Variants in OAF observed in about 807,000 individuals in gnomAD.
The protein encoded by OAF is out at first homolog.
A neutral mutation model predicts 22.5 loss-of-function variants in OAF; 13 were observed. The ratio of observed to expected loss-of-function variants is 0.58; its 90% CI spans 0.38 to 0.92. The LOEUF (loss-of-function observed/expected upper bound fraction) is 0.92, where lower values mean the gene tolerates loss of function less well. Among genes scored for constraint, OAF ranks in the 40% least tolerant of loss-of-function variants. The pLI is 0.00. For synonymous variants in OAF, 175 were observed against 170.5 expected, an observed-to-expected ratio of 1.03 and a Z score of -0.21; for missense variants, 347 against 381.8, an observed-to-expected ratio of 0.91 and a Z score of 0.76.
In OAF at chr11:120,211,037, A is replaced by C. The variant is rs1332854206; in HGVS notation, c.-243A>C. 1 of 167,880 alleles carries C rather than the reference A, an allele frequency of 6.0e-6. No homozygotes were observed. Among genetic ancestry groups the C allele is most frequent in the Non-Finnish European group, 1.3e-5 (1 of 79,180 alleles). 10.4% of individuals were successfully genotyped at this position (167,880 alleles called of 1,614,324 possible). A position where few individuals can be genotyped will look rare whatever the true frequency, so the allele number is the denominator to read the frequency against. ...GCAAAACACAGGCTCGCAGCGCTGG[A>C]GCCCGGGGCCGCGGAGCCGGGCCGG... On this transcript the variant is annotated 5_prime_UTR_variant, in exon 1 of 4. Coordinates refer to ENST00000328965, the MANE Select transcript of OAF (RefSeq NM_178507.4).
At chr11:120,212,222 G>A (rs1394423573) in intron 1 of OAF, among the ~76,000 whole-genome samples, 1 of 126,918 alleles carries the variant, frequency 7.9e-6, no homozygotes, top group African/African-American at 3.0e-5. Flanking sequence ...CCAGATTAGG[G>A]TTAGGGAGTT....
chr11:120,225,027 G>A (rs909723997), intron 1 of OAF, among the ~76,000 whole-genome samples: 1 of 152,112 alleles, frequency 6.6e-6, no homozygotes, highest in Non-Finnish European at 1.5e-5. Context: ...GCGACCCCAT[G>A]GGGGAAAGGG....
At chr11:120,222,356 G>A (rs1055797342) in intron 1 of OAF, among the ~76,000 whole-genome samples, 6 of 151,976 alleles carry the variant, frequency 3.9e-5, no homozygotes, top group South Asian at 4.2e-4. Context: ...TCAGGAGTTC[G>A]ATACCAGCCT....
At chr11:120,228,775 G>A (rs1938394119) in intron 3 of OAF, 93 bp from the exon 4 acceptor site, 1 of 985,482 alleles carries the variant, frequency 1.0e-6, no homozygotes, top group Admixed American at 2.2e-5. Context: ...GATGACAGAG[G>A]AGACCAAGTG....
chr11:120,225,906 C>A, intron 2 of OAF, 111 bp downstream of exon 2: 1 of 896,144 alleles, frequency 1.1e-6, no homozygotes, highest in Non-Finnish European at 1.7e-6. Flanking sequence ...CCGACCCCTG[C>A]AGCCAGCCTA....
At chr11:120,221,387 C>T (rs1398217506) in intron 1 of OAF, among the ~76,000 whole-genome samples, 2 of 152,198 alleles carry the variant, frequency 1.3e-5, no homozygotes, top group Non-Finnish European at 2.9e-5. Context: ...AATCTCAACT[C>T]CTGGGTCTTC....
chr11:120,216,239 A>C (rs1359657749), intron 1 of OAF, among the ~76,000 whole-genome samples: 1 of 152,138 alleles, frequency 6.6e-6, no homozygotes, highest in Non-Finnish European at 1.5e-5. Flanking sequence ...GTCAGTAAAG[A>C]TGTGGAATGT....
chr11:120,214,686 C>G (rs960715883), intron 1 of OAF, among the ~76,000 whole-genome samples: 3 of 152,194 alleles, frequency 2.0e-5, no homozygotes, highest in African/African-American at 7.2e-5. Context: ...TGCCTCTACC[C>G]GCGTCAGAGT....
intron 3 of OAF, 47 bp from the exon 4 acceptor site, chr11:120,228,821 T>TACCAACCAAAA: frequency 1.9e-6 from 1 of 520,280 alleles, no homozygotes; most frequent in Non-Finnish European, 3.6e-6. Context: ...GGGAGCTCCT[T>TACCAACCAAAA]CCCTCCCTCC....
Position 120,229,362 on chromosome 11 carries a change from TGC to T in OAF, c.*222_*223del. ...CCCCATTCCCACCCTGTGCCTTCCTTGCGGGCAGAGAGGGAGAGAAGGGCTCC... is the reference window on the plus strand; with the variant it reads ...CCCCATTCCCACCCTGTGCCTTCCTTGGGCAGAGAGGGAGAGAAGGGCTCC... On this transcript the variant is annotated 3_prime_UTR_variant, in exon 4 of 4. Coordinates refer to ENST00000328965, the MANE Select transcript of OAF (RefSeq NM_178507.4). 1.8e-6 allele frequency: 1 copy of T among 544,214 alleles called. No individual in the cohort carries two copies. Among genetic ancestry groups the T allele is most frequent in the South Asian group, 2.1e-5 (1 of 47,910 alleles). 33.7% of individuals were successfully genotyped at this position (544,214 alleles called of 1,614,324 possible).
At chr11:120,212,498 C>T (rs1938162689) in intron 1 of OAF, among the ~76,000 whole-genome samples, 1 of 151,904 alleles carries the variant, frequency 6.6e-6, no homozygotes, top group South Asian at 2.1e-4. Context: ...AGCGTTCTGT[C>T]TCCTTCCCCC....
At chr11:120,225,566 C>T (rs1938344260) in intron 1 of OAF, 95 bp from the exon 2 acceptor site, 3 of 1,135,342 alleles carry the variant, frequency 2.6e-6, no homozygotes, top group Non-Finnish European at 3.6e-6. Context: ...CGGCAGTGTC[C>T]AGGCATCCTG....
Position 120,211,452 on chromosome 11 carries a change from G to T in OAF, c.173G>T (p.Ser58Ile). 1 of 1,544,402 alleles carries T rather than the reference G, an allele frequency of 6.5e-7. No individual in the cohort carries two copies. The highest frequency in any genetic ancestry group is 2.6e-5 in the East Asian group (1 of 38,356). ...GCGGACAGCGACGCGGACAGCATCAGCCTCGAGCTGCGCAAGCCCGACGGC... is the reference window on the plus strand; with the variant it reads ...GCGGACAGCGACGCGGACAGCATCATCCTCGAGCTGCGCAAGCCCGACGGC... Reference protein sequence around the residue: ...LQADSDADSISLELRKPDGTL... With the variant: ...LQADSDADSIILELRKPDGTL... The change falls in exon 1 of 4, where the codon AGC (serine) becomes ATC (isoleucine). Residue 58 changes from serine to isoleucine, a missense_variant. Physicochemically the swap from Ser to Ile is moderately radical, Grantham distance 142. Transcript: ENST00000328965.
In OAF at chr11:120,229,010, G is replaced by A. The variant is rs1938399015; in HGVS notation, c.690G>A (p.Lys230=). The A allele has an allele frequency of 6.2e-7, 1 of 1,613,576 alleles. No homozygotes were observed. The highest frequency in any genetic ancestry group is 8.5e-7 in the Non-Finnish European group (1 of 1,180,012). The change falls in exon 4 of 4, where the codon AAG becomes AAA. Residue 230 remains lysine, a synonymous_variant. Transcript: ENST00000328965. ...LSLAWYPCML[K]YCHSRDRPTP... ...TGGCCTGGTACCCCTGCATGCTCAA[G>A]TACTGCCACAGCCGCGACCGGCCCA...
intron 2 of OAF, among the ~76,000 whole-genome samples, chr11:120,226,565 C>A (rs1423113771): frequency 6.6e-6 from 1 of 152,262 alleles, no homozygotes; most frequent in African/African-American, 2.4e-5. Flanking sequence ...CTCCATCAAG[C>A]CCCAGAGGTC....
chr11:120,213,162 C>T (rs1169379302), intron 1 of OAF, among the ~76,000 whole-genome samples: 1 of 151,962 alleles, frequency 6.6e-6, no homozygotes, highest in African/African-American at 2.4e-5. Flanking sequence ...ATGGGTAGGG[C>T]TGAGCTTTTA....
At chr11:120,218,986 CGT>C (rs36066701) in intron 1 of OAF, among the ~76,000 whole-genome samples, 15,283 of 151,178 alleles carry the variant, frequency 0.1, 1,523 homozygotes, top group East Asian at 0.57. Context: ...CGCATGTACA[CGT>C]GTGTGTGTGT....
At chr11:120,212,769 A>G (rs893645217) in intron 1 of OAF, among the ~76,000 whole-genome samples, 2 of 143,964 alleles carry the variant, frequency 1.4e-5, no homozygotes, top group Non-Finnish European at 3.0e-5. Flanking sequence ...GTGAGGCTTG[A>G]CCGCTGATTG....
At position 120,228,820 on chromosome 11, in the gene OAF, T is replaced by TTCCC. The variant is rs760449235; in HGVS notation, c.548-26_548-23dup. The TTCCC allele has an allele frequency of 1.4e-3, 899 of 631,054 alleles. 6 individuals carry two copies. Among genetic ancestry groups the TTCCC allele is most frequent in the African/African-American group, 0.013 (744 of 55,138 alleles). The allele number at this position is 631,054 out of a possible 1,614,324, so 39.1% of individuals were successfully genotyped here. On this transcript the variant is annotated intron_variant, in intron 3 of 3. Coordinates refer to ENST00000328965, the MANE Select transcript of OAF (RefSeq NM_178507.4). ...AGCGGCCTCTGACTAGGGGAGCTCC[T>TTCCC]TCCCTCCCTCCCTCCCTCCCTCCCT...
Sources: gnomAD v4.1 joint callset for allele counts (sites outside exome capture counted in the v4.1 genomes callset) on GRCh38, gnomAD v4.1.1 for gene constraint, MANE v1.5 for transcripts, NCBI Gene and HGNC (gene_info 2026-07-23, HGNC 2026-07-21) for gene names.